QRICH2: variants seen among roughly 807,000 people sequenced by gnomAD.
QRICH2 encodes the protein glutamine-rich protein 2.
In QRICH2, 119 loss-of-function variants were observed where a neutral mutation model predicts 168.3. That is an observed-to-expected ratio of 0.71 (90% CI 0.61 to 0.82). The LOEUF (loss-of-function observed/expected upper bound fraction) is 0.82, where lower values mean the gene tolerates loss of function less well. Among genes scored for constraint, QRICH2 ranks in the 40% least tolerant of loss-of-function variants. The pLI, the probability that QRICH2 is intolerant of heterozygous loss-of-function variation, is 0.00. For missense variants in QRICH2, 2,241 were observed against 2,491.6 expected, an observed-to-expected ratio of 0.90 and a Z score of 2.14; for synonymous variants, 894 against 951.2, an observed-to-expected ratio of 0.94 and a Z score of 1.11.
Position 76,293,703 on chromosome 17 carries a change from G to A in QRICH2, c.1024C>T (p.His342Tyr). 6.2e-7 allele frequency: 1 copy of A among 1,614,180 alleles called. No individual in the cohort carries two copies. Residue 342 changes from histidine (H) to tyrosine (Y), a missense_variant, in exon 4 of 19, where the codon CAC (histidine) becomes TAC (tyrosine). Transcript: ENST00000680821. ...TFQFKSDSDR[H>Y]RSREKLTSTQ... ...GAGGTAAGCTTCTCTCTACTCCTGT[G>A]ACGATCTGAGTCTGATTTGAATTGG...
At chr17:76,294,510 AC>A (rs1191482708) in intron 3 of QRICH2, among the ~76,000 whole-genome samples, 4 of 152,104 alleles carry the variant, frequency 2.6e-5, no homozygotes, top group African/African-American at 9.7e-5. Context: ...AATGGCATGT[AC>A]AAAAATATGT....
chr17:76,276,645 C>T (rs747244112), intron 17 of QRICH2, 35 bp downstream of exon 17: 6 of 1,555,464 alleles, frequency 3.9e-6, no homozygotes, highest in Non-Finnish European at 5.3e-6. Flanking sequence ...GTGGGACCCA[C>T]GTGAGGTGCC....
chr17:76,306,551 T>C (rs375756265), intron 1 of QRICH2, among the ~76,000 whole-genome samples: 3 of 152,182 alleles, frequency 2.0e-5, no homozygotes, highest in East Asian at 1.9e-4. Context: ...ACAATACTTA[T>C]ACTCAATGAT....
At chr17:76,296,181 C>T (rs2070790581) in intron 3 of QRICH2, among the ~76,000 whole-genome samples, 1 of 152,064 alleles carries the variant, frequency 6.6e-6, no homozygotes, top group Admixed American at 6.6e-5. Flanking sequence ...CGAGATAGCA[C>T]CATTGCACTC....
chr17:76,287,736 T>C, intron 6 of QRICH2, 64 bp downstream of exon 6: 1 of 1,263,884 alleles, frequency 7.9e-7, no homozygotes, highest in Non-Finnish European at 1.2e-6. Context: ...CTGGCCGCCA[T>C]CACCTCCTTG....
At position 76,293,858 on chromosome 17, in the gene QRICH2, CCA is replaced by C; in HGVS notation, c.867_868del (p.Gly290HisfsTer6). 6.2e-7 allele frequency: 1 copy of C among 1,614,012 alleles called. No homozygotes were observed. Among genetic ancestry groups the C allele is most frequent in the South Asian group, 1.1e-5 (1 of 91,060 alleles). ...AACCCCATCAGAGGGGTGTGCTGTG[CCA>C]CCAGATCCTGATGCAGTCCGATCCG... On this transcript the variant is annotated frameshift_variant, in exon 4 of 19. Coordinates refer to ENST00000680821, the MANE Select transcript of QRICH2 (RefSeq NM_001388453.1). LOFTEE classifies it high-confidence loss of function.
At position 76,275,944 on chromosome 17, in the gene QRICH2, G is replaced by A. The variant is rs775668116; in HGVS notation, c.5357C>T (p.Ser1786Leu). 1.9e-6 allele frequency: 3 copies of A among 1,607,330 alleles called. No homozygotes were observed. The highest frequency in any genetic ancestry group is 2.2e-5 in the South Asian group (2 of 91,040). Residue 1786 changes from serine to leucine, a missense_variant, in exon 18 of 19, where the codon TCA (serine) becomes TTA (leucine). This residue lies in a region of QRICH2 where 189 missense variants were observed against 169.3 expected (regional missense o/e 1.12). Transcript: ENST00000680821. ...RLPGILRKDS[S>L]GTSKRKSQQP... ...CTGGGACTTGCGCTTTGAGGTCCCT[G>A]AGCCTGATGGGGGACAGGAGGGAAG...
Position 76,274,076 on chromosome 17 carries a change from C to A in QRICH2, c.*3G>T. 1 of 1,540,828 alleles carries A rather than the reference C, an allele frequency of 6.5e-7. No homozygotes were observed. Among genetic ancestry groups the A allele is most frequent in the Admixed American group, 2.2e-5 (1 of 46,332 alleles). On this transcript the variant is annotated 3_prime_UTR_variant, in exon 19 of 19. Coordinates refer to ENST00000680821, the MANE Select transcript of QRICH2 (RefSeq NM_001388453.1). ...CCTCCTGAATGTTTATTTACACCTC[C>A]GCTCACTGAGCGGTGCTGGACCGCG...
rs1160350917 is a variant in QRICH2 at position 76,281,483 on chromosome 17, G to A, written c.4263+381C>T. Among the ~76,000 whole-genome samples the A allele has an allele frequency of 6.6e-6, 1 of 152,182 alleles. No individual in the cohort carries two copies. Among genetic ancestry groups the A allele is most frequent in the Non-Finnish European group, 1.5e-5 (1 of 68,028 alleles). On this transcript the variant is annotated intron_variant, in intron 8 of 18. Coordinates refer to ENST00000680821, the MANE Select transcript of QRICH2 (RefSeq NM_001388453.1). This position sits in a 1 kb window ranked among gnomAD's most constrained non-coding sequence, Gnocchi z 4.4. ...TTTGTGGCTGTGCCCGCCCCCACCA[G>A]CAAGCCTGCCCTTTCTAGGGAAATT...
chr17:76,302,116 C>T (rs879595844), intron 3 of QRICH2, among the ~76,000 whole-genome samples: 1 of 152,044 alleles, frequency 6.6e-6, no homozygotes, highest in Non-Finnish European at 1.5e-5. Context: ...CCAGGCTGGT[C>T]TCCAACTCCT....
chr17:76,280,334 C>A lies in QRICH2; in HGVS notation c.4579G>T (p.Asp1527Tyr). 1 of 1,614,218 alleles carries A rather than the reference C, an allele frequency of 6.2e-7. No individual in the cohort carries two copies. The highest frequency in any genetic ancestry group is 1.1e-5 in the South Asian group (1 of 91,088). Reference sequence around the variant, plus strand: ...AGCCTGTCCAGCATCTTCTGCCAGTCCTGCTCCTGCCCGCTCATCTTGGCC... The same window carrying A: ...AGCCTGTCCAGCATCTTCTGCCAGTACTGCTCCTGCCCGCTCATCTTGGCC... ...LVAKMSGQEQ[D>Y]WQKMLDRLLT... Residue 1527 changes from aspartate (D) to tyrosine (Y), a missense_variant, in exon 11 of 19, where the codon GAC becomes TAC. Asp to Tyr is a radical substitution (Grantham distance 160, BLOSUM62 -3). This residue lies in a region of QRICH2 where 2,047 missense variants were observed against 2,303.8 expected (regional missense o/e 0.89). Transcript: ENST00000680821. The surrounding 1 kb of genome is among the most constrained non-coding windows in gnomAD (Gnocchi z 7.4).
Position 76,308,268 on chromosome 17 carries a change from C to G in QRICH2, c.-270G>C. The stretch of plus-strand genomic sequence containing the variant: ...CCTGGACTCCCAGTCCCCGCGCCGG[C>G]GGACGTTTGAAACGTGGGGGCCCCC... On this transcript the variant is annotated 5_prime_UTR_variant, in exon 1 of 19. Coordinates refer to ENST00000680821, the MANE Select transcript of QRICH2 (RefSeq NM_001388453.1). The G allele has an allele frequency of 1.0e-6, 1 of 985,428 alleles. No individual in the cohort carries two copies. Among genetic ancestry groups the G allele is most frequent in the Non-Finnish European group, 1.2e-6 (1 of 829,926 alleles). The allele number at this position is 985,428 out of a possible 1,614,324, so 61.0% of individuals were successfully genotyped here.
At position 76,292,866 on chromosome 17, in the gene QRICH2, C is replaced by G. The variant is rs767743331; in HGVS notation, c.1861G>C (p.Val621Leu). 1 of 1,598,546 alleles carries G rather than the reference C, an allele frequency of 6.3e-7. No individual in the cohort carries two copies. The highest frequency in any genetic ancestry group is 8.5e-7 in the Non-Finnish European group (1 of 1,179,312). ...AQPGADQRGL[V>L]WPGMDQSGLA... ...CCAGACTGATCCATTCCAGGCCAGA[C>G]CAAACCACGCTGATCTGCACCAGGT... The change falls in exon 4 of 19, where the codon GTC becomes CTC. Residue 621 changes from valine (V) to leucine (L), a missense_variant. By Grantham distance (32) the Val-to-Leu change is conservative (BLOSUM62 1). Coordinates refer to ENST00000680821, the MANE Select transcript of QRICH2 (RefSeq NM_001388453.1).
intron 17 of QRICH2, among the ~76,000 whole-genome samples, chr17:76,276,333 G>T (rs912670579): frequency 6.6e-6 from 1 of 152,254 alleles, no homozygotes; most frequent in Non-Finnish European, 1.5e-5. Context: ...GGCTGAAGCG[G>T]TGGGGCTCAG....
chr17:76,290,911 A>C, intron 4 of QRICH2, 104 bp downstream of exon 4: 1 of 1,506,462 alleles, frequency 6.6e-7, no homozygotes, highest in Non-Finnish European at 8.9e-7. Flanking sequence ...TCAGGGACTC[A>C]GGGAGATGTG....
chr17:76,277,444 G>A, intron 15 of QRICH2, 134 bp from the exon 16 acceptor site: 1 of 1,091,704 alleles, frequency 9.2e-7, no homozygotes, highest in Non-Finnish European at 1.3e-6. Context: ...CTGAGCAGCA[G>A]GGGCCCAGAA....
chr17:76,286,188 G>A (rs1035139380), intron 7 of QRICH2, among the ~76,000 whole-genome samples: 21 of 145,270 alleles, frequency 1.4e-4, no homozygotes, highest in African/African-American at 5.6e-4. Context: ...AAAAAAAAAT[G>A]TATACATGAA....
chr17:76,284,047 A>G (rs2143204897), intron 7 of QRICH2, among the ~76,000 whole-genome samples: 1 of 140,164 alleles, frequency 7.1e-6, no homozygotes, highest in South Asian at 2.1e-4. Context: ...GTGCACCTGT[A>G]GTCCCAGCTA....
chr17:76,278,244 C>CT, intron 14 of QRICH2, 55 bp from the exon 15 acceptor site: 1 of 1,560,260 alleles, frequency 6.4e-7, no homozygotes, highest in South Asian at 1.1e-5. Flanking sequence ...GGGCCTTGAC[C>CT]TTGTGTAAGC....
Sources: gnomAD v4.1 joint callset for allele counts (sites outside exome capture counted in the v4.1 genomes callset) on GRCh38, gnomAD v4.1.1 for gene constraint, gnomAD v4.1.1 regional missense constraint, Gnocchi (gnomAD v3.1) non-coding constraint, MANE v1.5 for transcripts, NCBI Gene and HGNC (gene_info 2026-07-23, HGNC 2026-07-21) for gene names.